ARID1B: variants seen among roughly 807,000 people sequenced by gnomAD.
The protein encoded by ARID1B is AT-rich interaction domain 1B, also known as AT-rich interactive domain-containing protein 1B.
In ARID1B, 30 loss-of-function variants were observed where a neutral mutation model predicts 212.3. That is an observed-to-expected ratio of 0.14 (90% confidence interval 0.11 to 0.19). ARID1B has a LOEUF of 0.19. ARID1B is among the 10% of genes least tolerant of loss of function. The pLI is 1.00. For missense variants in ARID1B, 2,891 were observed against 3,204.0 expected (o/e 0.90, Z 2.36); for synonymous variants, 1,402 against 1,301.7 (o/e 1.08, Z -1.66).
In ARID1B at chr6:157,148,525, T is replaced by C. The variant is rs1269143476; in HGVS notation, c.2762-99T>C. 132 of 1,327,436 alleles carry C rather than the reference T, an allele frequency of 9.9e-5. No homozygotes were observed. In the East Asian group the frequency reaches 3.1e-3, roughly 31 times the overall value. The allele number at this position is 1,327,436 out of a possible 1,614,324, so 82.2% of individuals were successfully genotyped here. The stretch of plus-strand genomic sequence containing the variant: ...AAGGGCCTATAACGGTCATGACTAA[T>C]ACTCCGTGCTGATCGCATTGTTGGA... On this transcript the variant is annotated intron_variant, in intron 7 of 19. Coordinates refer to ENST00000636930, the MANE Select transcript of ARID1B (RefSeq NM_001374828.1). The surrounding 1 kb of genome is among the most constrained non-coding windows in gnomAD (Gnocchi z 5.6).
At position 156,778,610 on chromosome 6, in the gene ARID1B, C is replaced by G. The variant is rs1778872934; in HGVS notation, c.930C>G (p.Val310=). The G allele has an allele frequency of 2.2e-6, 3 of 1,339,212 alleles. No homozygotes were observed. The highest frequency in any genetic ancestry group is 2.9e-6 in the Non-Finnish European group (3 of 1,043,692). The allele number at this position is 1,339,212 out of a possible 1,614,324, so 83.0% of individuals were successfully genotyped here. ...GGGGCGGCGGCGGCCCGGCGGCCGT[C>G]CCGGAGTTTAATAATTACTATGGCA... ...VPGGGGGPAA[V]PEFNNYYGSA... The change falls in exon 1 of 20, where the codon GTC becomes GTG. Residue 310 remains valine (V), a synonymous_variant. Transcript: ENST00000636930.
chr6:157,063,198 C>A (rs190053161), intron 4 of ARID1B, among the ~76,000 whole-genome samples: 118 of 151,616 alleles, frequency 7.8e-4, no homozygotes, highest in Middle Eastern at 6.8e-3. Flanking sequence ...GTTTCCAGGA[C>A]AGGTGAATGA....
intron 4 of ARID1B, chr6:157,023,664 A>G (rs993444647): frequency 1.3e-5 from 2 of 152,242 alleles, no homozygotes. Flanking sequence ...CTTGGATTTT[A>G]AAATGTTAAC....
At chr6:157,199,583 A>G (rs971412183) in intron 17 of ARID1B, among the ~76,000 whole-genome samples, 1 of 149,296 alleles carries the variant, frequency 6.7e-6, no homozygotes, top group Non-Finnish European at 1.5e-5. Context: ...AACTATATAT[A>G]TGTTATATAA....
intron 16 of ARID1B, among the ~76,000 whole-genome samples, chr6:157,196,941 G>A (rs1793770471): frequency 1.3e-5 from 2 of 152,168 alleles, no homozygotes; most frequent in South Asian, 2.1e-4. Flanking sequence ...AAGTTAAAAT[G>A]GCAAGTTCAG....
intron 5 of ARID1B, 39 bp from the exon 6 acceptor site, chr6:157,110,433 G>A (rs763061370): frequency 6.3e-7 from 1 of 1,585,150 alleles, no homozygotes; most frequent in Non-Finnish European, 8.7e-7. Flanking sequence ...TTAATGCAAA[G>A]GGTTCCCCCA....
chr6:157,020,977 G>A (rs1780200249), intron 4 of ARID1B, among the ~76,000 whole-genome samples: 1 of 152,216 alleles, frequency 6.6e-6, no homozygotes, highest in African/African-American at 2.4e-5. Context: ...GAGAAATTCG[G>A]GGACCCGGAA....
chr6:156,967,031 C>CT (rs1301477711), intron 4 of ARID1B, among the ~76,000 whole-genome samples: 6 of 151,874 alleles, frequency 4.0e-5, no homozygotes, highest in South Asian at 2.1e-4. Context: ...CTTTTTCTGG[C>CT]TTTTTCTTTT....
chr6:156,807,746 C>T (rs1268126935), intron 1 of ARID1B, among the ~76,000 whole-genome samples: 1 of 152,164 alleles, frequency 6.6e-6, no homozygotes, highest in Admixed American at 6.5e-5. Flanking sequence ...CACAGTGGTT[C>T]GACTTTTTGC....
chr6:156,928,575 G>A (rs1202813646), intron 3 of ARID1B, among the ~76,000 whole-genome samples: 4 of 152,128 alleles, frequency 2.6e-5, no homozygotes, highest in Non-Finnish European at 4.4e-5. Flanking sequence ...AGAGATTTGG[G>A]AATCACCACC....
chr6:156,830,743 T>C (rs1247287703), intron 2 of ARID1B, among the ~76,000 whole-genome samples: 1 of 151,910 alleles, frequency 6.6e-6, no homozygotes, highest in African/African-American at 2.4e-5. Context: ...GCCTAGGCAA[T>C]GTATCGAGAC....
At chr6:156,997,800 G>A (rs1026127346) in intron 4 of ARID1B, among the ~76,000 whole-genome samples, 6 of 152,056 alleles carry the variant, frequency 3.9e-5, no homozygotes, top group African/African-American at 1.2e-4. Context: ...TTAAGAATTG[G>A]CGTGAAACTC....
At chr6:157,112,137 G>A (rs1786969011) in intron 6 of ARID1B, among the ~76,000 whole-genome samples, 1 of 152,150 alleles carries the variant, frequency 6.6e-6, no homozygotes. Context: ...AACAGAGAGT[G>A]AGACCCTGTC....
chr6:156,888,752 C>G (rs1411214184), intron 2 of ARID1B, among the ~76,000 whole-genome samples: 2 of 152,160 alleles, frequency 1.3e-5, no homozygotes, highest in African/African-American at 4.8e-5. Context: ...GCAGAATTGA[C>G]CCGTTCGTTA....
rs1794127766 is a variant in ARID1B, at chr6:157,201,688, C to T, written c.5263+200C>T. On this transcript the variant is annotated intron_variant, in intron 18 of 19. Transcript: ENST00000636930. This position sits in a 1 kb window ranked among gnomAD's most constrained non-coding sequence, Gnocchi z 5.2. ...AAGAAATAGTGCCAGAAAGATTGGC[C>T]GGGCGCGGTGGCTCATGCCTGTAAT... Among the ~76,000 whole-genome samples, 1 of 152,092 alleles carries T rather than the reference C, an allele frequency of 6.6e-6. No individual in the cohort carries two copies. The highest frequency in any genetic ancestry group is 1.9e-4 in the East Asian group (1 of 5,196).
At chr6:156,933,241 TA>T (rs35797154) in intron 3 of ARID1B, among the ~76,000 whole-genome samples, 4,165 of 146,358 alleles carry the variant, frequency 0.028, 209 homozygotes, top group East Asian at 0.23. Flanking sequence ...AAGTTTACTT[TA>T]AAAAAAAAAA....
intron 5 of ARID1B, among the ~76,000 whole-genome samples, chr6:157,102,160 A>G (rs1786089064): frequency 6.6e-6 from 1 of 152,214 alleles, no homozygotes; most frequent in Non-Finnish European, 1.5e-5. Flanking sequence ...GAAAGGAATT[A>G]TCCCCAAGGA....
At position 156,889,666 on chromosome 6, in the gene ARID1B, G is replaced by A. The variant is rs115817764; in HGVS notation, c.1987-11710G>A. The stretch of plus-strand genomic sequence containing the variant: ...AGTGATCTCACTCTTGTGTACAGCC[G>A]TGTTTGCTGTGCCTTCGGGATCGTT... On this transcript the variant is annotated intron_variant, in intron 2 of 19. Coordinates refer to ENST00000636930, the MANE Select transcript of ARID1B (RefSeq NM_001374828.1). Among the ~76,000 whole-genome samples, 1,466 of 152,252 alleles carry A rather than the reference G, an allele frequency of 9.6e-3. 22 individuals are homozygous for A. The highest frequency in any genetic ancestry group is 0.032 in the African/African-American group (1,319 of 41,522).
intron 1 of ARID1B, among the ~76,000 whole-genome samples, chr6:156,812,049 A>G (rs1224820107): frequency 6.6e-6 from 1 of 152,210 alleles, no homozygotes; most frequent in African/African-American, 2.4e-5. Context: ...TGTGTAAATC[A>G]CCTATAGTGT....
Sources: gnomAD v4.1 joint callset for allele counts (sites outside exome capture counted in the v4.1 genomes callset) on GRCh38, gnomAD v4.1.1 for gene constraint, Gnocchi (gnomAD v3.1) non-coding constraint, MANE v1.5 for transcripts, NCBI Gene and HGNC (gene_info 2026-07-23, HGNC 2026-07-21) for gene names.